Variants in GAS2 observed in about 807,000 individuals in gnomAD.
The protein encoded by GAS2 is growth arrest specific 2, also known as growth arrest-specific protein 2.
Under a neutral mutation model 37.5 loss-of-function variants are expected in GAS2, and 20 were observed. That is an observed-to-expected ratio of 0.53 (90% CI 0.37 to 0.77). The LOEUF (loss-of-function observed/expected upper bound fraction) is 0.77, where lower values mean the gene tolerates loss of function less well. GAS2 is among the 30% of genes least tolerant of loss of function. The probability of loss-of-function intolerance (pLI) is 0.00; values close to 1 mark genes in which losing one functional copy is unlikely to be tolerated. For synonymous variants in GAS2, 144 were observed against 132.2 expected, an observed-to-expected ratio of 1.09 and a Z score of -0.61; for missense variants, 336 against 373.4, an observed-to-expected ratio of 0.90 and a Z score of 0.82.
intron 3 of GAS2, among the ~76,000 whole-genome samples, chr11:22,693,961 A>G (rs972884948): frequency 1.3e-5 from 2 of 152,150 alleles, no homozygotes; most frequent in Non-Finnish European, 2.9e-5. Flanking sequence ...TATCTAAATG[A>G]TGAGAACCCA....
intron 1 of GAS2, chr11:22,668,032 TTAAAA>T (rs1222241634): frequency 6.6e-6 from 1 of 152,314 alleles, no homozygotes; most frequent in African/African-American, 2.4e-5. Flanking sequence ...CATCCTAGTA[TTAAAA>T]TAAAGGCTTA....
chr11:22,682,503 A>G (rs1849728594), intron 2 of GAS2, among the ~76,000 whole-genome samples: 1 of 152,188 alleles, frequency 6.6e-6, no homozygotes, highest in Non-Finnish European at 1.5e-5. Flanking sequence ...TTATCTTAAA[A>G]TTTAAACTTA....
intron 1 of GAS2, among the ~76,000 whole-genome samples, chr11:22,626,974 G>T (rs1049961491): frequency 1.3e-5 from 2 of 152,172 alleles, no homozygotes; most frequent in African/African-American, 4.8e-5. Flanking sequence ...TGTATTTTTA[G>T]TAGAGATGGG....
At chr11:22,635,917 A>T (rs2133810196) in intron 1 of GAS2, among the ~76,000 whole-genome samples, 1 of 152,204 alleles carries the variant, frequency 6.6e-6, no homozygotes, top group South Asian at 2.1e-4. Context: ...CAGGTTCCCC[A>T]ATGGGAGTAT....
chr11:22,807,317 C>T (rs1856949353), intron 7 of GAS2, among the ~76,000 whole-genome samples: 1 of 152,166 alleles, frequency 6.6e-6, no homozygotes, highest in African/African-American at 2.4e-5. Flanking sequence ...AGAAAGAAAC[C>T]TCTGATATCT....
At chr11:22,754,898 T>C (rs1853942430) in intron 6 of GAS2, among the ~76,000 whole-genome samples, 1 of 152,146 alleles carries the variant, frequency 6.6e-6, no homozygotes, top group Non-Finnish European at 1.5e-5. Flanking sequence ...TCTATCTAGC[T>C]TCTAAATTCA....
intron 7 of GAS2, among the ~76,000 whole-genome samples, chr11:22,775,640 C>T (rs1381359424): frequency 6.6e-6 from 1 of 151,882 alleles, no homozygotes; most frequent in Non-Finnish European, 1.5e-5. Flanking sequence ...TAACATTTTA[C>T]CACTGTAATG....
chr11:22,665,442 G>A (rs1220629263), upstream of GAS2, among the ~76,000 whole-genome samples: 1 of 152,048 alleles, frequency 6.6e-6, no homozygotes, highest in Non-Finnish European at 1.5e-5. Context: ...ATTCAGATTC[G>A]TTTACTAAAA....
chr11:22,641,290 T>TTA (rs1224989344), intron 1 of GAS2, among the ~76,000 whole-genome samples: 33 of 115,632 alleles, frequency 2.9e-4, no homozygotes, highest in African/African-American at 6.4e-4. Context: ...ATCTATATCT[T>TTA]TATATATATA....
intron 5 of GAS2, among the ~76,000 whole-genome samples, chr11:22,740,586 CT>C (rs1263528024): frequency 1.3e-5 from 2 of 152,140 alleles, no homozygotes; most frequent in Admixed American, 6.5e-5. Context: ...TCTTAAGTTT[CT>C]CTCTGGATAC....
At chr11:22,679,054 C>A (rs1027502290) in intron 2 of GAS2, among the ~76,000 whole-genome samples, 2 of 151,980 alleles carry the variant, frequency 1.3e-5, no homozygotes, top group African/African-American at 4.8e-5. Context: ...GCTGGGATTT[C>A]TCTAGGGGGT....
At chr11:22,719,555 C>T (rs1032367502) in intron 3 of GAS2, among the ~76,000 whole-genome samples, 5 of 152,012 alleles carry the variant, frequency 3.3e-5, no homozygotes, top group South Asian at 2.1e-4. Context: ...TTACAGATGA[C>T]GTGTATCCAC....
intron 1 of GAS2, among the ~76,000 whole-genome samples, chr11:22,656,003 T>C (rs1403597314): frequency 6.6e-6 from 1 of 152,188 alleles, no homozygotes; most frequent in African/African-American, 2.4e-5. Flanking sequence ...AATATTCTCA[T>C]TTACTAAAAA....
intron 7 of GAS2, among the ~76,000 whole-genome samples, chr11:22,804,988 C>A (rs745683374): frequency 2.6e-5 from 4 of 151,992 alleles, no homozygotes; most frequent in Non-Finnish European, 4.4e-5. Context: ...GTAGTGCAAG[C>A]ATTCTAGGGA....
intron 7 of GAS2, among the ~76,000 whole-genome samples, chr11:22,769,918 C>T (rs899455677): frequency 2.0e-5 from 3 of 152,102 alleles, no homozygotes; most frequent in South Asian, 2.1e-4. Flanking sequence ...AAAGTAATTG[C>T]GGTTTTTGCC....
At chr11:22,641,310 A>ATCTT (rs1848626307) in intron 1 of GAS2, among the ~76,000 whole-genome samples, 1 of 104,334 alleles carries the variant, frequency 9.6e-6, no homozygotes, top group African/African-American at 3.3e-5. Context: ...ATCTTTATAT[A>ATCTT]TATTTATATA....
At chr11:22,641,907 A>G (rs1848635845) in intron 1 of GAS2, among the ~76,000 whole-genome samples, 1 of 152,228 alleles carries the variant, frequency 6.6e-6, no homozygotes, top group South Asian at 2.1e-4. Context: ...TTACAGTAAT[A>G]AATGAAAAAT....
At chr11:22,665,656 A>G (rs981584529), upstream of GAS2, among the ~76,000 whole-genome samples, 12 of 152,244 alleles carry the variant, frequency 7.9e-5, no homozygotes, top group African/African-American at 2.9e-4. Flanking sequence ...AAGGACTCCA[A>G]ACTTTTCAAT....
chr11:22,672,414 G>C (rs1391934456), intron 1 of GAS2, among the ~76,000 whole-genome samples: 1 of 152,170 alleles, frequency 6.6e-6, no homozygotes, highest in Admixed American at 6.5e-5. Context: ...GGAAAGGATT[G>C]TGTCCTTCTG....
Sources: allele counts gnomAD v4.1 joint callset (sites outside exome capture counted in the v4.1 genomes callset), GRCh38; gene constraint gnomAD v4.1.1; transcripts MANE v1.5; gene names NCBI Gene and HGNC (gene_info 2026-07-23, HGNC 2026-07-21).